MYO16: variants seen among roughly 807,000 people sequenced by gnomAD.
MYO16 encodes the protein unconventional myosin-XVI.
A neutral mutation model predicts 205.3 loss-of-function variants in MYO16; 94 were observed. That is an observed-to-expected ratio of 0.46 (90% CI 0.39 to 0.54). The LOEUF (loss-of-function observed/expected upper bound fraction) is 0.54, where lower values mean the gene tolerates loss of function less well. Among genes scored for constraint, MYO16 ranks in the 20% least tolerant of loss-of-function variants. The probability of loss-of-function intolerance (pLI) is 0.00; values close to 1 mark genes in which losing one functional copy is unlikely to be tolerated. For missense variants in MYO16, 2,315 were observed against 2,387.5 expected (o/e 0.97, Z 0.63); for synonymous variants, 988 against 954.0 (o/e 1.04, Z -0.66).
intron 1 of MYO16, among the ~76,000 whole-genome samples, chr13:108,602,079 CATT>C (rs1178195607): frequency 7.2e-6 from 1 of 137,998 alleles, no homozygotes; most frequent in Non-Finnish European, 1.5e-5. Flanking sequence ...CTCTCTCTCT[CATT>C]GTTATGTGAG....
At chr13:108,577,307 C>G in the MYO16 span, among the ~76,000 whole-genome samples, 1 of 152,138 alleles carries the variant, frequency 6.6e-6, no homozygotes, top group Non-Finnish European at 1.5e-5. Flanking sequence ...ATTCTCGAGG[C>G]AGATAGCCAA....
intron 4 of MYO16, among the ~76,000 whole-genome samples, chr13:108,752,559 G>A (rs1885269558): frequency 6.6e-6 from 1 of 151,946 alleles, no homozygotes; most frequent in Non-Finnish European, 1.5e-5. Flanking sequence ...TTGACATTAA[G>A]AAAGCTTATG....
the MYO16 span, among the ~76,000 whole-genome samples, chr13:108,587,881 T>C: frequency 4.7e-5 from 7 of 148,314 alleles, 1 homozygote. Flanking sequence ...GGTCATAAGT[T>C]ACCTTCTCAG....
chr13:109,022,673 T>C (rs1886111304), intron 23 of MYO16, among the ~76,000 whole-genome samples: 1 of 63,016 alleles, frequency 1.6e-5, no homozygotes, highest in Non-Finnish European at 3.4e-5. Flanking sequence ...ATATATTATA[T>C]ATACACATAT....
chr13:109,074,328 GT>G (rs1888019856), intron 27 of MYO16, among the ~76,000 whole-genome samples: 1 of 152,074 alleles, frequency 6.6e-6, no homozygotes, highest in African/African-American at 2.4e-5. Context: ...GTATTAGTCC[GT>G]TTTCACACTG....
intron 16 of MYO16, among the ~76,000 whole-genome samples, chr13:108,947,186 G>A (rs910155263): frequency 2.1e-4 from 32 of 152,242 alleles, no homozygotes; most frequent in African/African-American, 7.0e-4. Context: ...TATGTTAGTC[G>A]GTATTTAAGA....
intron 16 of MYO16, among the ~76,000 whole-genome samples, chr13:108,953,670 A>G (rs999045928): frequency 6.7e-6 from 1 of 150,084 alleles, no homozygotes; most frequent in African/African-American, 2.5e-5. Flanking sequence ...TTTTGCCCTT[A>G]TGTGAGATTT....
At chr13:109,169,551 T>C (rs1190998057) in intron 33 of MYO16, among the ~76,000 whole-genome samples, 1 of 151,616 alleles carries the variant, frequency 6.6e-6, no homozygotes, top group African/African-American at 2.4e-5. Context: ...TGGCTGAAAT[T>C]AAAAATAGTA....
intron 21 of MYO16, among the ~76,000 whole-genome samples, chr13:109,002,883 G>C (rs956720648): frequency 6.6e-6 from 1 of 152,126 alleles, no homozygotes; most frequent in Non-Finnish European, 1.5e-5. Flanking sequence ...AAAACCATTT[G>C]GTTTGTGGGG....
At chr13:108,998,612 A>C (rs1885113126) in intron 21 of MYO16, among the ~76,000 whole-genome samples, 1 of 152,170 alleles carries the variant, frequency 6.6e-6, no homozygotes, top group Non-Finnish European at 1.5e-5. Context: ...ATGCTCACCA[A>C]TTCTTTGGGT....
chr13:108,590,287 C>T, the MYO16 span, among the ~76,000 whole-genome samples: 1 of 152,132 alleles, frequency 6.6e-6, no homozygotes, highest in Admixed American at 6.6e-5. Flanking sequence ...CCTTGGTATG[C>T]ACTATAATTG....
At chr13:108,501,843 C>A in the MYO16 span, among the ~76,000 whole-genome samples, 7 of 152,272 alleles carry the variant, frequency 4.6e-5, no homozygotes, top group South Asian at 1.0e-3. Flanking sequence ...TTTGCTGAAC[C>A]CTGATCATTG....
intron 4 of MYO16, among the ~76,000 whole-genome samples, chr13:108,784,051 A>G (rs994982724): frequency 2.6e-5 from 4 of 152,212 alleles, no homozygotes; most frequent in African/African-American, 9.6e-5. Flanking sequence ...AAGCAGAGTT[A>G]TATGCCTGTG....
At chr13:108,789,729 T>G (rs1324093122) in intron 5 of MYO16, among the ~76,000 whole-genome samples, 1 of 152,192 alleles carries the variant, frequency 6.6e-6, no homozygotes, top group Non-Finnish European at 1.5e-5. Context: ...AAATTTGGGT[T>G]AGTGGCAGTT....
rs1879696655 is a variant in MYO16, at chr13:108,883,091, G to A, written c.1458G>A (p.Lys486=). 6.2e-7 allele frequency: 1 copy of A among 1,614,112 alleles called. No individual in the cohort carries two copies. ...VSQLYFSSSG[K]LCSSLPPHLF... The stretch of plus-strand genomic sequence containing the variant: ...AGCTGTATTTCAGCTCCTCAGGGAA[G>A]CTGTGTTCCTCGCTGCCTCCTCACC... Residue 486 remains lysine (K), a synonymous_variant, in exon 13 of 35, where the codon AAG becomes AAA. Transcript: ENST00000457511.
chr13:108,741,872 G>A (rs1884920763), intron 4 of MYO16, among the ~76,000 whole-genome samples: 1 of 152,142 alleles, frequency 6.6e-6, no homozygotes, highest in Admixed American at 6.6e-5. Flanking sequence ...GCAAAAGAGG[G>A]CCTCATCATA....
At chr13:108,974,530 A>G (rs1884182094) in intron 20 of MYO16, among the ~76,000 whole-genome samples, 1 of 152,208 alleles carries the variant, frequency 6.6e-6, no homozygotes, top group African/African-American at 2.4e-5. Flanking sequence ...ATACATTCTG[A>G]ATTAATATCC....
At chr13:108,986,003 A>G (rs277800) in intron 20 of MYO16, among the ~76,000 whole-genome samples, 78,228 of 152,036 alleles carry the variant, frequency 0.51, 20,884 homozygotes, top group East Asian at 0.94. Context: ...AGGCCTCACA[A>G]TCATGGCAGA....
chr13:108,630,502 T>C lies in MYO16; in HGVS notation c.28+630T>C, dbSNP rs1879933520. On this transcript the variant is annotated intron_variant, in intron 1 of 34. Transcript: ENST00000457511. ...AAGGGTTTCTTTAGCGTCTGAAATT[T>C]TGGCAGAATTTTCTGAGCTAGAGAA... Among the ~76,000 whole-genome samples the C allele has an allele frequency of 2.0e-5, 3 of 152,210 alleles. No individual in the cohort carries two copies. The South Asian group carries it at 6.2e-4, about 31-fold the overall frequency.
Sources: allele counts gnomAD v4.1 joint callset (sites outside exome capture counted in the v4.1 genomes callset), GRCh38; gene constraint gnomAD v4.1.1; transcripts MANE v1.5; gene names NCBI Gene and HGNC (gene_info 2026-07-23, HGNC 2026-07-21).